DNAJC5: variants seen among roughly 807,000 people sequenced by gnomAD.
The protein encoded by DNAJC5 is dnaJ homolog subfamily C member 5.
Under a neutral mutation model 23.2 loss-of-function variants are expected in DNAJC5, and 1 was observed. The observed-to-expected ratio is 0.04, with a 90% CI of 0.02 to 0.20. The LOEUF (loss-of-function observed/expected upper bound fraction) is 0.20. Ranked by LOEUF, DNAJC5 falls within the 10% of genes least tolerant of loss-of-function variation. The pLI, the probability that DNAJC5 is intolerant of heterozygous loss-of-function variation, is 1.00. For missense variants in DNAJC5, 180 were observed against 267.0 expected, an observed-to-expected ratio of 0.67 and a Z score of 2.27; for synonymous variants, 136 against 120.0, an observed-to-expected ratio of 1.13 and a Z score of -0.87.
At position 63,931,381 on chromosome 20, in the gene DNAJC5, G is replaced by A; in HGVS notation, c.494-84G>A. On this transcript the variant is annotated intron_variant, in intron 4 of 4. Transcript: ENST00000360864. This position sits in a 1 kb window ranked among gnomAD's most constrained non-coding sequence, Gnocchi z 9.6. ...CTCCCGGTGGAGAGTTTGTCCAGGT[G>A]CCCGAAAGTCGCTCCACAGGACCAG... 1 of 1,282,022 alleles carries A rather than the reference G, an allele frequency of 7.8e-7. No homozygotes were observed. The highest frequency in any genetic ancestry group is 1.1e-6 in the Non-Finnish European group (1 of 916,662). 79.4% of individuals were successfully genotyped at this position (1,282,022 alleles called of 1,614,324 possible).
At chr20:63,923,857 G>C (rs2053590702) in intron 1 of DNAJC5, among the ~76,000 whole-genome samples, 1 of 152,212 alleles carries the variant, frequency 6.6e-6, no homozygotes, top group Admixed American at 6.5e-5. Context: ...AAGTCATTCT[G>C]CGCTCTTGAG....
chr20:63,925,825 GT>G lies in DNAJC5; in HGVS notation c.-11-2490del, dbSNP rs376376541. On this transcript the variant is annotated intron_variant, in intron 1 of 4. Coordinates refer to ENST00000360864, the MANE Select transcript of DNAJC5 (RefSeq NM_025219.3). ...AAATCTGGGCCTGGAATTTTATCTG[GT>G]TTTTTTTTTTTTTTTTTTTGAGACG... Among the ~76,000 whole-genome samples, 262 of 123,928 alleles carry G rather than the reference GT, an allele frequency of 2.1e-3. 1 individual carries two copies. The highest frequency in any genetic ancestry group is 3.7e-3 in the African/African-American group (115 of 31,172). 81.3% of individuals were successfully genotyped at this position (123,928 alleles called of 152,430 possible).
At chr20:63,913,436 G>T (rs1437081355) in intron 1 of DNAJC5, among the ~76,000 whole-genome samples, 1 of 149,136 alleles carries the variant, frequency 6.7e-6, no homozygotes, top group Non-Finnish European at 1.5e-5. Context: ...TCGCTCTGTT[G>T]CCCAGGCTGG....
intron 1 of DNAJC5, among the ~76,000 whole-genome samples, chr20:63,922,139 A>G (rs1380051752): frequency 6.6e-6 from 1 of 151,986 alleles, no homozygotes; most frequent in East Asian, 1.9e-4. Flanking sequence ...TTCAAACATC[A>G]GGTGGCAAAC....
chr20:63,922,331 C>T lies in DNAJC5; in HGVS notation c.-11-6004C>T, dbSNP rs574910992. Reference sequence around the variant, plus strand: ...CAAAAAAATTAGCTGGGTGTGGTGGCGCGCGCCTGTAATCCCAGCCACTTG... The same window carrying T: ...CAAAAAAATTAGCTGGGTGTGGTGGTGCGCGCCTGTAATCCCAGCCACTTG... On this transcript the variant is annotated intron_variant, in intron 1 of 4. Coordinates refer to ENST00000360864, the MANE Select transcript of DNAJC5 (RefSeq NM_025219.3). 1.7e-4 allele frequency among the ~76,000 whole-genome samples: 26 copies of T among 152,020 alleles called. No homozygotes were observed. The South Asian group carries it at 1.9e-3, about 11-fold the overall frequency.
intron 1 of DNAJC5, among the ~76,000 whole-genome samples, chr20:63,913,198 T>C (rs989425271): frequency 9.2e-5 from 11 of 119,886 alleles, no homozygotes; most frequent in African/African-American, 3.5e-4. Context: ...CCCATCCCAG[T>C]GTGACTGTCG....
chr20:63,899,111 T>C (rs1234767642), intron 1 of DNAJC5, among the ~76,000 whole-genome samples: 1 of 152,132 alleles, frequency 6.6e-6, no homozygotes, highest in Non-Finnish European at 1.5e-5. Context: ...AGGGTAGTGG[T>C]GCTTCCCCTG....
intron 1 of DNAJC5, among the ~76,000 whole-genome samples, chr20:63,915,647 T>C (rs1568980648): frequency 6.6e-6 from 1 of 152,218 alleles, no homozygotes; most frequent in Non-Finnish European, 1.5e-5. Context: ...CCAGTCATTG[T>C]TGAGGCTGCA....
chr20:63,918,441 A>ATAAACATGAGG (rs1465442921), intron 1 of DNAJC5, among the ~76,000 whole-genome samples: 2 of 152,228 alleles, frequency 1.3e-5, no homozygotes, highest in Admixed American at 6.5e-5. Flanking sequence ...GCGTTTAGGG[A>ATAAACATGAGG]TAAACATGAG....
In DNAJC5 at chr20:63,933,508, C is replaced by T. The variant is rs2053692067; in HGVS notation, c.*1940C>T. ...CCTTTGACAAGAGGAGAGATATGCA[C>T]TGTGATATTAAATTAGAAATAATTT... On this transcript the variant is annotated 3_prime_UTR_variant, in exon 5 of 5. Transcript: ENST00000360864. 1 of 152,332 alleles carries T rather than the reference C, an allele frequency of 6.6e-6. No individual in the cohort carries two copies. Among genetic ancestry groups the T allele is most frequent in the African/African-American group, 2.4e-5 (1 of 41,442 alleles). The allele number at this position is 152,332 out of a possible 1,614,324, so 9.4% of individuals were successfully genotyped here.
chr20:63,910,062 C>T (rs1397825395), intron 1 of DNAJC5, among the ~76,000 whole-genome samples: 5 of 152,222 alleles, frequency 3.3e-5, no homozygotes, highest in Admixed American at 6.5e-5. Flanking sequence ...ATTTGACCAG[C>T]AGTGCTGCGG....
rs1341409953 is a variant in DNAJC5 at position 63,920,238 on chromosome 20, C to T, written c.-11-8097C>T. Among the ~76,000 whole-genome samples, 1 of 152,246 alleles carries T rather than the reference C, an allele frequency of 6.6e-6. No individual in the cohort carries two copies. The highest frequency in any genetic ancestry group is 1.5e-5 in the Non-Finnish European group (1 of 68,040). On this transcript the variant is annotated intron_variant, in intron 1 of 4. Coordinates refer to ENST00000360864, the MANE Select transcript of DNAJC5 (RefSeq NM_025219.3). This position sits in a 1 kb window ranked among gnomAD's most constrained non-coding sequence, Gnocchi z 4.6. ...TGGGGTCTGAGTGAGGGCTCTCCAG[C>T]CAGCAGGGAGCAGGGCAGGGTGTTG...
rs773607766 is a variant in DNAJC5 at position 63,929,533 on chromosome 20, C to T, written c.321+8C>T. 25 of 1,612,998 alleles carry T rather than the reference C, an allele frequency of 1.5e-5. No homozygotes were observed. In the East Asian group the frequency reaches 5.1e-4, roughly 33 times the overall value. On this transcript the variant is annotated splice_region_variant and intron_variant, in intron 3 of 4. Coordinates refer to ENST00000360864, the MANE Select transcript of DNAJC5 (RefSeq NM_025219.3). This position sits in a 1 kb window ranked among gnomAD's most constrained non-coding sequence, Gnocchi z 8.6. ...TCCAGCTGGTGGGCCAAGGTGAGGGCGAGCTGCCTGCCGTGCGGGCACCCG... is the reference window on the plus strand; with the variant it reads ...TCCAGCTGGTGGGCCAAGGTGAGGGTGAGCTGCCTGCCGTGCGGGCACCCG...
At chr20:63,906,600 C>T (rs1313513843) in intron 1 of DNAJC5, among the ~76,000 whole-genome samples, 4 of 151,900 alleles carry the variant, frequency 2.6e-5, no homozygotes, top group South Asian at 2.1e-4. Context: ...CTGGCTAACA[C>T]GATGAAACCC....
At position 63,931,066 on chromosome 20, in the gene DNAJC5, C is replaced by A; in HGVS notation, c.493+44C>A. 1 of 1,588,718 alleles carries A rather than the reference C, an allele frequency of 6.3e-7. No homozygotes were observed. Among genetic ancestry groups the A allele is most frequent in the Non-Finnish European group, 8.6e-7 (1 of 1,160,344 alleles). Reference sequence around the variant, plus strand: ...GCCCGTGTGTGTGTGTGGGGCAGAGCCAGAATGGGCCCTGAATGGTGTCAA... The same window carrying A: ...GCCCGTGTGTGTGTGTGGGGCAGAGACAGAATGGGCCCTGAATGGTGTCAA... On this transcript the variant is annotated intron_variant, in intron 4 of 4. Transcript: ENST00000360864. The surrounding 1 kb of genome is among the most constrained non-coding windows in gnomAD (Gnocchi z 9.6).
chr20:63,927,252 C>A (rs906308265), intron 1 of DNAJC5, among the ~76,000 whole-genome samples: 1 of 152,126 alleles, frequency 6.6e-6, no homozygotes, highest in African/African-American at 2.4e-5. Context: ...CGCTGTGGCT[C>A]ACACCTATAA....
chr20:63,916,797 G>A (rs2053518113), intron 1 of DNAJC5, among the ~76,000 whole-genome samples: 1 of 152,128 alleles, frequency 6.6e-6, no homozygotes, highest in Non-Finnish European at 1.5e-5. Context: ...CTTTCCCAGA[G>A]TATTAATTCT....
chr20:63,915,146 C>T (rs1049404607), intron 1 of DNAJC5, among the ~76,000 whole-genome samples: 8 of 152,038 alleles, frequency 5.3e-5, no homozygotes, highest in South Asian at 2.1e-4. Context: ...GGAGCTGGTC[C>T]GTATCTCTTG....
intron 1 of DNAJC5, among the ~76,000 whole-genome samples, chr20:63,899,719 C>T (rs537293807): frequency 4.9e-4 from 73 of 150,046 alleles, no homozygotes; most frequent in Admixed American, 8.0e-4. Flanking sequence ...GTAGCTGGGA[C>T]TACAGGCGGT....
Sources: allele counts gnomAD v4.1 joint callset (sites outside exome capture counted in the v4.1 genomes callset), GRCh38; gene constraint gnomAD v4.1.1; non-coding constraint Gnocchi (gnomAD v3.1); transcripts MANE v1.5; gene names NCBI Gene and HGNC (gene_info 2026-07-23, HGNC 2026-07-21).